The following GNG12 variants were observed in gnomAD, a reference collection of about 807,000 sequenced individuals.
GNG12 encodes G protein subunit gamma 12, also known as guanine nucleotide-binding protein G(I)/G(S)/G(O) subunit gamma-12.
For synonymous variants in GNG12, 28 were observed against 29.7 expected, an observed-to-expected ratio of 0.94 and a Z score of 0.19; for missense variants, 69 against 83.8, an observed-to-expected ratio of 0.82 and a Z score of 0.69.
intron 1 of GNG12, among the ~76,000 whole-genome samples, chr1:67,810,364 G>A (rs971899195): frequency 1.3e-5 from 2 of 152,128 alleles, no homozygotes; most frequent in Non-Finnish European, 2.9e-5. Context: ...AAAATCCATA[G>A]AATGTAGAAC....
chr1:67,771,890 C>T (rs1570534492), intron 2 of GNG12, among the ~76,000 whole-genome samples: 1 of 152,204 alleles, frequency 6.6e-6, no homozygotes, highest in Non-Finnish European at 1.5e-5. Flanking sequence ...GGAAAGTTTA[C>T]ATATGTGCCT....
intron 2 of GNG12, among the ~76,000 whole-genome samples, chr1:67,722,904 G>A (rs963707735): frequency 6.6e-6 from 1 of 152,082 alleles, no homozygotes; most frequent in African/African-American, 2.4e-5. Context: ...ACTTAATGTT[G>A]TATAATATTG....
intron 1 of GNG12, among the ~76,000 whole-genome samples, chr1:67,792,875 G>A (rs1457283355): frequency 6.6e-6 from 1 of 152,180 alleles, no homozygotes; most frequent in Non-Finnish European, 1.5e-5. Flanking sequence ...CTGGCTGCCT[G>A]GCCAGTATTG....
At chr1:67,832,610 A>T (rs1251114803) in intron 1 of GNG12, among the ~76,000 whole-genome samples, 5 of 70,330 alleles carry the variant, frequency 7.1e-5, no homozygotes, top group Non-Finnish European at 1.4e-4. Context: ...GGCAATAATT[A>T]AAAAAAAAAA....
At chr1:67,794,164 T>C (rs1320286716) in intron 1 of GNG12, among the ~76,000 whole-genome samples, 2 of 152,194 alleles carry the variant, frequency 1.3e-5, no homozygotes, top group African/African-American at 4.8e-5. Flanking sequence ...GCTTCCCGCT[T>C]ATTACTTTTG....
chr1:67,785,608 T>C (rs1055923010), intron 1 of GNG12, among the ~76,000 whole-genome samples: 3 of 152,170 alleles, frequency 2.0e-5, no homozygotes, highest in African/African-American at 7.2e-5. Context: ...TACAGAGATA[T>C]GGGAGAAGAA....
chr1:67,744,555 T>C (rs756794621), intron 2 of GNG12, among the ~76,000 whole-genome samples: 25 of 152,206 alleles, frequency 1.6e-4, no homozygotes, highest in Non-Finnish European at 3.2e-4. Flanking sequence ...GGCCCACGTC[T>C]TAGTGCAGCG....
At chr1:67,767,434 C>T (rs1372051811) in intron 2 of GNG12, among the ~76,000 whole-genome samples, 6 of 152,216 alleles carry the variant, frequency 3.9e-5, no homozygotes, top group African/African-American at 4.8e-5. Context: ...TCCTCTGCCA[C>T]GGGTCAGCTC....
chr1:67,820,344 TA>T (rs1646978049), intron 1 of GNG12, among the ~76,000 whole-genome samples: 1 of 150,398 alleles, frequency 6.6e-6, no homozygotes, highest in Non-Finnish European at 1.5e-5. Flanking sequence ...ATTGTGCCAT[TA>T]TACTCCAGCC....
intron 1 of GNG12, among the ~76,000 whole-genome samples, chr1:67,790,110 G>T (rs746110792): frequency 6.6e-6 from 1 of 152,118 alleles, no homozygotes; most frequent in African/African-American, 2.4e-5. Context: ...ACTCAAATGT[G>T]TTCAACACAG....
intron 1 of GNG12, among the ~76,000 whole-genome samples, chr1:67,789,107 G>A (rs1191711781): frequency 6.6e-6 from 1 of 152,200 alleles, no homozygotes; most frequent in Non-Finnish European, 1.5e-5. Flanking sequence ...TTACAAGGGT[G>A]GTAATGAATA....
intron 2 of GNG12, among the ~76,000 whole-genome samples, chr1:67,740,292 A>G (rs1434017465): frequency 6.6e-6 from 1 of 152,262 alleles, no homozygotes; most frequent in Non-Finnish European, 1.5e-5. Flanking sequence ...ACAATTAAAA[A>G]TAGAACAAGT....
At chr1:67,714,599 T>C (rs1646314413) in intron 2 of GNG12, among the ~76,000 whole-genome samples, 1 of 152,210 alleles carries the variant, frequency 6.6e-6, no homozygotes, top group South Asian at 2.1e-4. Context: ...GCACTTTGCA[T>C]TCCTCAATGG....
chr1:67,746,534 CG>C (rs1646508303), intron 2 of GNG12, among the ~76,000 whole-genome samples: 1 of 151,796 alleles, frequency 6.6e-6, no homozygotes, highest in African/African-American at 2.4e-5. Context: ...GCTATGGGGG[CG>C]GGGGAGGTGG....
chr1:67,780,614 C>A (rs1646732402), intron 1 of GNG12, among the ~76,000 whole-genome samples: 1 of 152,092 alleles, frequency 6.6e-6, no homozygotes, highest in South Asian at 2.1e-4. Flanking sequence ...GGCTATCAAC[C>A]CAGGCCTGAT....
intron 1 of GNG12, among the ~76,000 whole-genome samples, chr1:67,823,692 G>A (rs1221324627): frequency 1.3e-5 from 2 of 152,218 alleles, no homozygotes; most frequent in Non-Finnish European, 1.5e-5. Flanking sequence ...TGGCTGTACG[G>A]AACCGGGACA....
chr1:67,776,396 G>C (rs1399748349), intron 2 of GNG12, among the ~76,000 whole-genome samples: 6 of 152,038 alleles, frequency 3.9e-5, no homozygotes, highest in African/African-American at 1.2e-4. Context: ...CCTTGAAATG[G>C]GACCCTGTAG....
In GNG12 at chr1:67,702,976, C is replaced by T. The variant is rs2100659120; in HGVS notation, c.*2475G>A. The T allele has an allele frequency of 6.6e-6, 1 of 152,258 alleles. No homozygotes were observed. Among genetic ancestry groups the T allele is most frequent in the African/African-American group, 2.4e-5 (1 of 41,562 alleles). The allele number at this position is 152,258 out of a possible 1,614,324, so 9.4% of individuals were successfully genotyped here. On this transcript the variant is annotated 3_prime_UTR_variant, in exon 4 of 4. Coordinates refer to ENST00000370982, the MANE Select transcript of GNG12 (RefSeq NM_018841.6). ...ATTAACATAAACCAACTGTTGCAGA[C>T]AGTTAAACTGTGGCTTTGTAAGGAG...
chr1:67,729,978 G>C (rs1646409366), intron 2 of GNG12, among the ~76,000 whole-genome samples: 1 of 152,138 alleles, frequency 6.6e-6, no homozygotes, highest in Admixed American at 6.5e-5. Flanking sequence ...TCTAGTCCTA[G>C]GTGTATTCCC....
Sources: gnomAD v4.1 joint callset for allele counts (sites outside exome capture counted in the v4.1 genomes callset) on GRCh38, gnomAD v4.1.1 for gene constraint, MANE v1.5 for transcripts, NCBI Gene and HGNC (gene_info 2026-07-23, HGNC 2026-07-21) for gene names.